Variants in DPP10 observed in about 807,000 individuals in gnomAD.
DPP10 encodes inactive dipeptidyl peptidase 10.
Under a neutral mutation model 120.9 loss-of-function variants are expected in DPP10, and 33 were observed. The ratio of observed to expected loss-of-function variants is 0.27; its 90% CI spans 0.21 to 0.37. The LOEUF is 0.37. DPP10 is among the 10% of genes least tolerant of loss of function. The pLI is 1.00. For missense variants in DPP10, 816 were observed against 942.8 expected (o/e 0.87, Z 1.76); for synonymous variants, 337 against 326.1 (o/e 1.03, Z -0.36).
chr2:115,086,618 G>A (rs571239519), intron 1 of DPP10, among the ~76,000 whole-genome samples: 2 of 152,042 alleles, frequency 1.3e-5, no homozygotes, highest in South Asian at 4.2e-4. Flanking sequence ...CACTATGCCT[G>A]GCTAATTTTT....
At chr2:115,103,285 T>C (rs989158421) in intron 1 of DPP10, among the ~76,000 whole-genome samples, 2 of 151,704 alleles carry the variant, frequency 1.3e-5, no homozygotes, top group Admixed American at 6.6e-5. Context: ...CCTCCCGGGT[T>C]CATGCCATTC....
intron 1 of DPP10, among the ~76,000 whole-genome samples, chr2:114,688,573 A>G (rs1699521692): frequency 1.3e-5 from 2 of 151,978 alleles, no homozygotes; most frequent in Admixed American, 6.6e-5. Context: ...TACTAAGCTA[A>G]ATGGCTGGAT....
intron 3 of DPP10, among the ~76,000 whole-genome samples, chr2:115,495,109 T>C (rs934109536): frequency 6.6e-6 from 1 of 151,980 alleles, no homozygotes; most frequent in Non-Finnish European, 1.5e-5. Context: ...AAAGACAACA[T>C]TTTACAAGAG....
intron 10 of DPP10, chr2:115,750,244 A>T (rs1260130562): frequency 1.4e-5 from 14 of 975,180 alleles, no homozygotes; most frequent in East Asian, 1.1e-4. Context: ...AATACTTATG[A>T]GTAAGCAAGA....
At chr2:115,388,057 A>T (rs1299992637) in intron 3 of DPP10, among the ~76,000 whole-genome samples, 1 of 152,216 alleles carries the variant, frequency 6.6e-6, no homozygotes, top group Non-Finnish European at 1.5e-5. Flanking sequence ...AGGTTAAAAA[A>T]TATATATGAC....
intron 1 of DPP10, among the ~76,000 whole-genome samples, chr2:114,896,809 G>C (rs1000978089): frequency 1.9e-4 from 29 of 152,232 alleles, no homozygotes; most frequent in African/African-American, 6.7e-4. Flanking sequence ...TCCCTGTCTT[G>C]TGCCAGTTTT....
chr2:114,943,296 C>T (rs562795701), intron 1 of DPP10, among the ~76,000 whole-genome samples: 9 of 151,922 alleles, frequency 5.9e-5, no homozygotes, highest in South Asian at 2.1e-4. Context: ...TTCTTTGAGA[C>T]GGAATCTTGC....
At chr2:115,304,901 G>A (rs1386956244) in intron 1 of DPP10, among the ~76,000 whole-genome samples, 2 of 151,934 alleles carry the variant, frequency 1.3e-5, no homozygotes, top group East Asian at 3.9e-4. Context: ...GCCTTGTCTG[G>A]TAAACTAAAC....
At chr2:115,696,061 G>T (rs1001523516) in intron 7 of DPP10, among the ~76,000 whole-genome samples, 1 of 151,752 alleles carries the variant, frequency 6.6e-6, no homozygotes, top group Non-Finnish European at 1.5e-5. Context: ...TGAGTATTAG[G>T]AACATAAAAA....
At chr2:115,748,593 TTTGAA>T (rs760485905) in intron 10 of DPP10, among the ~76,000 whole-genome samples, 7 of 152,084 alleles carry the variant, frequency 4.6e-5, no homozygotes, top group Non-Finnish European at 1.0e-4. Context: ...TTTTTTGTTG[TTTGAA>T]TTGAAGATCT....
At chr2:114,855,935 G>T (rs1689331072) in intron 1 of DPP10, among the ~76,000 whole-genome samples, 1 of 139,944 alleles carries the variant, frequency 7.1e-6, no homozygotes, top group South Asian at 2.6e-4. Context: ...CCATCTTCAG[G>T]CATCCCTCAG....
At chr2:114,960,204 A>C (rs1698507303) in intron 1 of DPP10, among the ~76,000 whole-genome samples, 1 of 152,284 alleles carries the variant, frequency 6.6e-6, no homozygotes, top group South Asian at 2.1e-4. Context: ...CAAAGGCATG[A>C]CAATTATTTT....
chr2:115,297,471 G>A (rs181617802), intron 1 of DPP10, among the ~76,000 whole-genome samples: 1 of 152,024 alleles, frequency 6.6e-6, no homozygotes, highest in East Asian at 1.9e-4. Context: ...ATCAATATTT[G>A]ACATTCTAAA....
At chr2:115,767,545 G>C (rs978910119) in intron 12 of DPP10, among the ~76,000 whole-genome samples, 1 of 151,394 alleles carries the variant, frequency 6.6e-6, no homozygotes, top group Non-Finnish European at 1.5e-5. Context: ...TATATAGTGT[G>C]TGTATATATA....
intron 1 of DPP10, among the ~76,000 whole-genome samples, chr2:114,907,696 G>A (rs904084532): frequency 6.6e-6 from 1 of 152,008 alleles, no homozygotes; most frequent in African/African-American, 2.4e-5. Context: ...TTTCAGGCTT[G>A]TTTTATGACA....
At chr2:115,679,217 G>A (rs1358997946) in intron 5 of DPP10, among the ~76,000 whole-genome samples, 2 of 151,942 alleles carry the variant, frequency 1.3e-5, no homozygotes. Context: ...TGGGTGGAAT[G>A]ATATGATTTG....
rs114365616 is a variant in DPP10, at chr2:114,999,297, A to G, written c.61-309942A>G. On this transcript the variant is annotated intron_variant, in intron 1 of 25. Transcript: ENST00000410059. ...ATAGGCAAAGAGAGAGGTTTCATCA[A>G]TACAGCCCCTGCCATTATCTCTCTC... 6.8e-3 allele frequency among the ~76,000 whole-genome samples: 1,038 copies of G among 152,250 alleles called. 12 individuals carry two copies. Among genetic ancestry groups the G allele is most frequent in the African/African-American group, 0.024 (1,001 of 41,532 alleles).
In DPP10 at chr2:114,749,644, C is replaced by T. The variant is rs1027857933; in HGVS notation, c.60+306806C>T. Among the ~76,000 whole-genome samples the T allele has an allele frequency of 2.6e-4, 39 of 147,738 alleles. 1 individual carries two copies. The highest frequency in any genetic ancestry group is 3.6e-3 in the Middle Eastern group (1 of 276). ...CTCTGTCGCCCAGGCTAGAGTGCAG[C>T]GGCACGATCTTGGTTCACTGCAACC... is the stretch of plus-strand genomic sequence containing the variant. On this transcript the variant is annotated intron_variant, in intron 1 of 25. Coordinates refer to ENST00000410059, the MANE Select transcript of DPP10 (RefSeq NM_020868.6).
intron 7 of DPP10, among the ~76,000 whole-genome samples, chr2:115,717,037 A>G (rs1575593275): frequency 6.6e-6 from 1 of 152,380 alleles, no homozygotes; most frequent in East Asian, 1.9e-4. Flanking sequence ...AAATTATTGT[A>G]ACGTCAGAGG....
Sources: allele counts gnomAD v4.1 joint callset (sites outside exome capture counted in the v4.1 genomes callset), GRCh38; gene constraint gnomAD v4.1.1; transcripts MANE v1.5; gene names NCBI Gene and HGNC (gene_info 2026-07-23, HGNC 2026-07-21).